FCRL5: variants seen among roughly 807,000 people sequenced by gnomAD.
FCRL5 encodes Fc receptor like 5, also known as Fc receptor-like protein 5.
In FCRL5, 79 loss-of-function variants were observed where a neutral mutation model predicts 92.1. That is an observed-to-expected ratio of 0.86 (90% CI 0.72 to 1.03). The LOEUF is 1.03. Among genes scored for constraint, FCRL5 ranks in the 50% least tolerant of loss-of-function variants. FCRL5 has a pLI of 0.00. For synonymous variants in FCRL5, 466 were observed against 469.3 expected, an observed-to-expected ratio of 0.99 and a Z score of 0.09; for missense variants, 1,160 against 1,181.1, an observed-to-expected ratio of 0.98 and a Z score of 0.26.
Position 157,541,173 on chromosome 1 carries a change from ACTCTCACAGTGC to A in FCRL5, c.1123+1674_1123+1685del, listed in dbSNP as rs145085571. Among the ~76,000 whole-genome samples the A allele has an allele frequency of 1.7e-3, 253 of 152,170 alleles. 8 individuals carry two copies. The East Asian group carries it at 0.045, about 27-fold the overall frequency. ...TCTGCCCTTGGTGACAGTGGGGCAC[ACTCTCACAGTGC>A]CTCTTGCTTCAACCGGAGTCCTTCC... On this transcript the variant is annotated intron_variant, in intron 6 of 16. Coordinates refer to ENST00000361835, the MANE Select transcript of FCRL5 (RefSeq NM_031281.3).
chr1:157,527,494 C>T, intron 9 of FCRL5, 123 bp downstream of exon 9: 1 of 961,484 alleles, frequency 1.0e-6, no homozygotes, highest in East Asian at 2.5e-5. Context: ...GCTGTGTAGG[C>T]ACCAAGCCTG....
At chr1:157,538,354 T>G (rs1651073816) in intron 7 of FCRL5, among the ~76,000 whole-genome samples, 1 of 152,186 alleles carries the variant, frequency 6.6e-6, no homozygotes, top group Non-Finnish European at 1.5e-5. Flanking sequence ...CTGTCTCCAG[T>G]ATAGGCCCAA....
Position 157,534,728 on chromosome 1 carries a change from C to G in FCRL5, c.1567G>C (p.Gly523Arg). The G allele has an allele frequency of 6.2e-7, 1 of 1,614,110 alleles. No homozygotes were observed. Among genetic ancestry groups the G allele is most frequent in the Non-Finnish European group, 8.5e-7 (1 of 1,180,006 alleles). The part of the protein sequence containing the change: ...PLWSSSTPSV[G>R]RVSFSFSLTE... ...AGAGAGAAGCTGAAGGACACTCTTCCCACAGAGGGTGTTGAGCTGCTCCAC... is the reference window on the plus strand; with the variant it reads ...AGAGAGAAGCTGAAGGACACTCTTCGCACAGAGGGTGTTGAGCTGCTCCAC... Residue 523 changes from glycine (G) to arginine (R), a missense_variant, in exon 8 of 17, where the codon GGA becomes CGA. Gly to Arg is a moderately radical substitution (Grantham distance 125). Transcript: ENST00000361835.
intron 8 of FCRL5, chr1:157,533,323 A>G (rs1650782770): frequency 1.3e-5 from 2 of 152,170 alleles, no homozygotes; most frequent in African/African-American, 4.8e-5. Flanking sequence ...TTTCCATATT[A>G]TAATTTTTGC....
At chr1:157,539,044 T>C in intron 7 of FCRL5, 42 bp downstream of exon 7, 1 of 1,597,070 alleles carries the variant, frequency 6.3e-7, no homozygotes, top group Non-Finnish European at 8.5e-7. Context: ...AAGAGAGGAC[T>C]CTTGGCCAGG....
At chr1:157,520,603 C>A in intron 11 of FCRL5, 56 bp from the exon 12 acceptor site, 3 of 1,386,220 alleles carry the variant, frequency 2.2e-6, no homozygotes, top group South Asian at 1.3e-5. Context: ...TGGAACTGCC[C>A]GCTCCCGGAA....
intron 8 of FCRL5, among the ~76,000 whole-genome samples, chr1:157,529,396 T>C (rs1280080159): frequency 6.6e-6 from 1 of 152,188 alleles, no homozygotes; most frequent in African/African-American, 2.4e-5. Flanking sequence ...GGAGATTCCT[T>C]AAAGAACTAA....
chr1:157,536,374 G>T (rs1372259853), intron 7 of FCRL5, among the ~76,000 whole-genome samples: 1 of 152,118 alleles, frequency 6.6e-6, no homozygotes, highest in Non-Finnish European at 1.5e-5. Flanking sequence ...TTTTCCCTTG[G>T]CCAGAGTCCT....
intron 3 of FCRL5, among the ~76,000 whole-genome samples, chr1:157,545,638 C>T (rs1651497626): frequency 6.8e-6 from 1 of 146,956 alleles, no homozygotes. Flanking sequence ...ATGCCATTCT[C>T]CTGCCTCAGC....
intron 6 of FCRL5, among the ~76,000 whole-genome samples, chr1:157,541,502 C>T (rs1156503011): frequency 6.6e-6 from 1 of 152,252 alleles, no homozygotes; most frequent in Non-Finnish European, 1.5e-5. Context: ...GTGCTGCAGT[C>T]GTCAAGAACC....
intron 1 of FCRL5, 82 bp from the exon 2 acceptor site, chr1:157,549,662 C>T: frequency 7.9e-7 from 1 of 1,271,620 alleles, no homozygotes; most frequent in East Asian, 2.4e-5. Context: ...TTTACCCATG[C>T]ATGTATTACT....
intron 15 of FCRL5, among the ~76,000 whole-genome samples, chr1:157,518,076 A>G (rs1223080134): frequency 3.9e-5 from 6 of 152,196 alleles, no homozygotes; most frequent in Non-Finnish European, 8.8e-5. Context: ...TAGTTCTTTA[A>G]GTCACCTAGT....
chr1:157,542,729 T>G, intron 6 of FCRL5, 130 bp downstream of exon 6: 1 of 1,103,508 alleles, frequency 9.1e-7, no homozygotes, highest in Non-Finnish European at 1.3e-6. Context: ...AGCCGGAGAG[T>G]GGAGGAGGAC....
rs1000894800 is a variant in FCRL5, at chr1:157,538,376, T to A, written c.1402+710A>T. ...CAGTATAGGCCCAAATCACACTGTC[T>A]CCTTCAACATTGAACCTGGCCATTT... On this transcript the variant is annotated intron_variant, in intron 7 of 16. Transcript: ENST00000361835. Among the ~76,000 whole-genome samples the A allele has an allele frequency of 9.2e-5, 14 of 152,320 alleles. 1 individual carries two copies. Among genetic ancestry groups the A allele is most frequent in the Admixed American group, 8.5e-4 (13 of 15,306 alleles).
At chr1:157,524,723 T>C (rs1302145855) in intron 9 of FCRL5, among the ~76,000 whole-genome samples, 166 bp from the exon 10 acceptor site, 3 of 152,256 alleles carry the variant, frequency 2.0e-5, no homozygotes, top group African/African-American at 4.8e-5. Flanking sequence ...AACATTTGTG[T>C]AGTGCTATAA....
chr1:157,527,947 C>A (rs75327914), intron 8 of FCRL5, 52 bp from the exon 9 acceptor site: 2 of 1,494,588 alleles, frequency 1.3e-6, no homozygotes, highest in African/African-American at 1.4e-5. Context: ...TTAGAAACAG[C>A]TCTTTGTCCT....
chr1:157,524,069 C>T (rs190232369), intron 10 of FCRL5: 66 of 542,474 alleles, frequency 1.2e-4, no homozygotes, highest in African/African-American at 1.0e-3. Context: ...CTTTGATCAT[C>T]TTCAAGAAGA....
rs1265072478 is a variant in FCRL5, at chr1:157,546,953, A to C, written c.297T>G (p.Asp99Glu). 5 of 1,611,764 alleles carry C rather than the reference A, an allele frequency of 3.1e-6. No individual in the cohort carries two copies. The highest frequency in any genetic ancestry group is 1.7e-5 in the Admixed American group (1 of 59,770). ...TTCACGCTCTCTCACCTGAAGAAAA[A>C]TCCAAGTGCACAGGGCTACTGAGAG... ...GSPLSSPVHL[D>E]FSSASLILQA... Residue 99 changes from aspartate (D) to glutamate (E), a missense_variant, in exon 3 of 17, where the codon GAT becomes GAG. Asp to Glu is a conservative substitution (Grantham distance 45). Coordinates refer to ENST00000361835, the MANE Select transcript of FCRL5 (RefSeq NM_031281.3).
intron 9 of FCRL5, among the ~76,000 whole-genome samples, chr1:157,524,984 C>T (rs1468434766): frequency 6.6e-6 from 1 of 152,118 alleles, no homozygotes; most frequent in Non-Finnish European, 1.5e-5. Context: ...TTTTTACATT[C>T]ATTTATCCAT....
Sources: allele counts gnomAD v4.1 joint callset (sites outside exome capture counted in the v4.1 genomes callset), GRCh38; gene constraint gnomAD v4.1.1; transcripts MANE v1.5; gene names NCBI Gene and HGNC (gene_info 2026-07-23, HGNC 2026-07-21).